ARB2A: variants seen among roughly 807,000 people sequenced by gnomAD.
ARB2A encodes cotranscriptional regulator ARB2A.
chr5:94,005,007 A>G, the ARB2A span, among the ~76,000 whole-genome samples: 1 of 110,476 alleles, frequency 9.1e-6, no homozygotes, highest in African/African-American at 3.8e-5. Flanking sequence ...GCAAAAAAAA[A>G]AAAAAAAAAA....
the ARB2A span, among the ~76,000 whole-genome samples, chr5:93,731,042 C>T: frequency 6.6e-6 from 1 of 152,116 alleles, no homozygotes; most frequent in African/African-American, 2.4e-5. Flanking sequence ...CATCATACCA[C>T]CTTATTTAAC....
At chr5:93,846,680 TTATTAA>T in the ARB2A span, among the ~76,000 whole-genome samples, 1 of 152,158 alleles carries the variant, frequency 6.6e-6, no homozygotes, top group Non-Finnish European at 1.5e-5. Context: ...GAAAATATAC[TTATTAA>T]TATTATAATA....
At chr5:93,748,331 T>G in the ARB2A span, among the ~76,000 whole-genome samples, 2 of 151,956 alleles carry the variant, frequency 1.3e-5, no homozygotes, top group Non-Finnish European at 2.9e-5. Flanking sequence ...CTTAGGAGAA[T>G]GAAGAAATAG....
the ARB2A span, among the ~76,000 whole-genome samples, chr5:94,051,160 T>C: frequency 6.6e-6 from 1 of 152,086 alleles, no homozygotes; most frequent in Non-Finnish European, 1.5e-5. Flanking sequence ...AGCTTAGAGG[T>C]TACCTGAGGA....
the ARB2A span, among the ~76,000 whole-genome samples, chr5:93,825,070 C>T: frequency 1.3e-5 from 2 of 152,132 alleles, no homozygotes; most frequent in Admixed American, 1.3e-4. Flanking sequence ...TTTCATCTCC[C>T]GTTGTAATTC....
the ARB2A span, among the ~76,000 whole-genome samples, chr5:93,629,069 G>A: frequency 1.3e-4 from 20 of 152,198 alleles, no homozygotes; most frequent in African/African-American, 4.6e-4. Context: ...AGTGAGAGAT[G>A]TGAGACTCTT....
At chr5:93,655,104 A>G in the ARB2A span, among the ~76,000 whole-genome samples, 1,717 of 152,298 alleles carry the variant, frequency 0.011, 13 homozygotes, top group Non-Finnish European at 0.017. Context: ...AGATAATAAT[A>G]GTACCATTTC....
At chr5:93,851,700 G>T in the ARB2A span, among the ~76,000 whole-genome samples, 1 of 151,986 alleles carries the variant, frequency 6.6e-6, no homozygotes, top group Non-Finnish European at 1.5e-5. Flanking sequence ...GAGAATATGT[G>T]GTGTTTGGTT....
the ARB2A span, among the ~76,000 whole-genome samples, chr5:93,910,464 T>C: frequency 6.6e-6 from 1 of 151,296 alleles, no homozygotes; most frequent in South Asian, 2.1e-4. Flanking sequence ...AACAAATATG[T>C]AGAGTATTTT....
At chr5:93,872,916 C>CAA in the ARB2A span, among the ~76,000 whole-genome samples, 15 of 142,342 alleles carry the variant, frequency 1.1e-4, no homozygotes, top group Admixed American at 2.1e-4. Flanking sequence ...GACTCTGTCT[C>CAA]AAAAAAAAAA....
chr5:93,665,041 G>C, the ARB2A span, among the ~76,000 whole-genome samples: 1 of 152,128 alleles, frequency 6.6e-6, no homozygotes, highest in Admixed American at 6.5e-5. Flanking sequence ...TGCCCAGGCT[G>C]ATATTGAATT....
At chr5:94,078,654 G>A in the ARB2A span, among the ~76,000 whole-genome samples, 2 of 152,090 alleles carry the variant, frequency 1.3e-5, no homozygotes, top group African/African-American at 4.8e-5. Context: ...AAGTTTTGGA[G>A]CCAAACCTCT....
At chr5:93,859,563 C>T in the ARB2A span, among the ~76,000 whole-genome samples, 1 of 151,820 alleles carries the variant, frequency 6.6e-6, no homozygotes, top group African/African-American at 2.4e-5. Context: ...AAAAGACAAG[C>T]CAAAGAGTGG....
At chr5:93,923,737 A>T in the ARB2A span, among the ~76,000 whole-genome samples, 1 of 152,106 alleles carries the variant, frequency 6.6e-6, no homozygotes, top group East Asian at 1.9e-4. Flanking sequence ...TGAGCCCAGG[A>T]GTTCAAGGTT....
the ARB2A span, among the ~76,000 whole-genome samples, chr5:93,800,523 T>C: frequency 6.6e-6 from 1 of 152,022 alleles, no homozygotes; most frequent in Non-Finnish European, 1.5e-5. Context: ...AAAATAGTTG[T>C]CTATATTCCT....
At chr5:93,637,628 C>A in the ARB2A span, among the ~76,000 whole-genome samples, 3 of 152,152 alleles carry the variant, frequency 2.0e-5, no homozygotes, top group Non-Finnish European at 4.4e-5. Context: ...TTCTCTGTAT[C>A]TTTGCCAGTA....
chr5:93,850,421 T>C, the ARB2A span, among the ~76,000 whole-genome samples: 1 of 152,106 alleles, frequency 6.6e-6, no homozygotes, highest in African/African-American at 2.4e-5. Context: ...TGTGCAGGTA[T>C]GTACAGGGTG....
chr5:93,885,403 T>A, the ARB2A span, among the ~76,000 whole-genome samples: 1 of 151,626 alleles, frequency 6.6e-6, no homozygotes, highest in African/African-American at 2.4e-5. Context: ...ACATTTCTTA[T>A]ACGATAAAAA....
At chr5:93,890,872 T>C in the ARB2A span, among the ~76,000 whole-genome samples, 1 of 152,076 alleles carries the variant, frequency 6.6e-6, no homozygotes, top group Non-Finnish European at 1.5e-5. Flanking sequence ...CTCTCGTAAA[T>C]GCTTGTTAAA....
Sources: gnomAD v4.1 joint callset for allele counts (sites outside exome capture counted in the v4.1 genomes callset) on GRCh38, gnomAD v4.1.1 for gene constraint, MANE v1.5 for transcripts, NCBI Gene and HGNC (gene_info 2026-07-23, HGNC 2026-07-21) for gene names.